Variants in ERVH48-1 observed in about 807,000 individuals in gnomAD.
ERVH48-1 encodes the protein endogenous retrovirus group 48 member 1, envelope, also known as suppressyn.
In ERVH48-1, 4 loss-of-function variants were observed where a neutral mutation model predicts 2.4. The ratio of observed to expected loss-of-function variants is 1.68; its 90% CI spans 0.83 to 3.84. The LOEUF is 3.84. ERVH48-1 is among the 30% of genes most tolerant of loss of function. ERVH48-1 has a pLI of 0.01. For synonymous variants in ERVH48-1, 32 were observed against 15.5 expected, an observed-to-expected ratio of 2.06 and a Z score of -2.49; for missense variants, 97 against 43.4, an observed-to-expected ratio of 2.23 and a Z score of -3.47.
chr21:42,925,336 G>A lies in ERVH48-1; in HGVS notation c.-286+10C>T. 2.3e-6 allele frequency: 1 copy of A among 426,016 alleles called. No homozygotes were observed. The highest frequency in any genetic ancestry group is 2.2e-5 in the South Asian group (1 of 45,470). The allele number at this position is 426,016 out of a possible 1,614,324, so 26.4% of individuals were successfully genotyped here. A position where few individuals can be genotyped will look rare whatever the true frequency, so the allele number is the denominator to read the frequency against. On this transcript the variant is annotated intron_variant, in intron 1 of 1. Coordinates refer to ENST00000447535, the MANE Select transcript of ERVH48-1 (RefSeq NM_001308491.2). ...TTTTTCCCTGTTAACCGGGCTCCCA[G>A]GAAACTTACCAGTAGGCGAGATCAG...
rs2058798079 is a variant in ERVH48-1 at position 42,919,145 on chromosome 21, T to C, written c.-139A>G. ...TTGGAGGAAGAAGCTGCCTTGGGGG[T>C]GAGCTTGACCCTGGTGCGATGGATC... On this transcript the variant is annotated 5_prime_UTR_variant, in exon 2 of 2. Coordinates refer to ENST00000447535, the MANE Select transcript of ERVH48-1 (RefSeq NM_001308491.2). 9.2e-7 allele frequency: 1 copy of C among 1,086,420 alleles called. No homozygotes were observed. The highest frequency in any genetic ancestry group is 3.6e-5 in the Admixed American group (1 of 28,154). The allele number at this position is 1,086,420 out of a possible 1,614,324, so 67.3% of individuals were successfully genotyped here.
intron 1 of ERVH48-1, among the ~76,000 whole-genome samples, chr21:42,924,393 G>T (rs1049700554): frequency 2.0e-5 from 3 of 152,098 alleles, no homozygotes; most frequent in Non-Finnish European, 4.4e-5. Context: ...GCAGTTGGCT[G>T]GATCCAACAA....
At chr21:42,922,405 T>C (rs1234514985) in intron 1 of ERVH48-1, among the ~76,000 whole-genome samples, 1 of 151,838 alleles carries the variant, frequency 6.6e-6, no homozygotes, top group Non-Finnish European at 1.5e-5. Flanking sequence ...AAAGCATGGC[T>C]CTGCCTAGGA....
In ERVH48-1 at chr21:42,917,804, A is replaced by G. The variant is rs11555158; in HGVS notation, c.*720T>C. On this transcript the variant is annotated 3_prime_UTR_variant, in exon 2 of 2. Transcript: ENST00000447535. ...CATAGTATTCAATGATCCGTTGCAG[A>G]GGCCACTCGTCCTCTCACAATCTTT... 0.2 allele frequency: 30,342 copies of G among 152,174 alleles called. 4,410 individuals carry two copies. Among genetic ancestry groups the G allele is most frequent in the African/African-American group, 0.42 (17,244 of 41,444 alleles). The allele number at this position is 152,174 out of a possible 1,614,324, so 9.4% of individuals were successfully genotyped here. A position where few individuals can be genotyped will look rare whatever the true frequency, so the allele number is the denominator to read the frequency against.
intron 1 of ERVH48-1, among the ~76,000 whole-genome samples, chr21:42,921,408 C>T (rs1283686476): frequency 2.0e-5 from 3 of 151,970 alleles, no homozygotes; most frequent in Non-Finnish European, 4.4e-5. Context: ...GAATTTCTTG[C>T]TTAGTTTGCG....
In ERVH48-1 at chr21:42,917,961, G is replaced by C. The variant is rs565635296; in HGVS notation, c.*563C>G. 3.3e-5 allele frequency: 5 copies of C among 152,594 alleles called. No individual in the cohort carries two copies. In the South Asian group the frequency reaches 1.0e-3, roughly 32 times the overall value. The allele number at this position is 152,594 out of a possible 1,614,324, so 9.5% of individuals were successfully genotyped here. A position where few individuals can be genotyped will look rare whatever the true frequency, so the allele number is the denominator to read the frequency against. ...TGCCTAGGAAGCAAGTACCTTGCCAGTGATAAGGTAGCTGTGAGTAAGCCT... is the reference window on the plus strand; with the variant it reads ...TGCCTAGGAAGCAAGTACCTTGCCACTGATAAGGTAGCTGTGAGTAAGCCT... On this transcript the variant is annotated 3_prime_UTR_variant, in exon 2 of 2. Transcript: ENST00000447535.
intron 1 of ERVH48-1, among the ~76,000 whole-genome samples, chr21:42,923,595 G>C (rs2058813125): frequency 6.6e-6 from 1 of 152,126 alleles, no homozygotes; most frequent in South Asian, 2.1e-4. Context: ...GTTTTTCATA[G>C]TTTACCGCTT....
In ERVH48-1 at chr21:42,918,895, T is replaced by C; in HGVS notation, c.112A>G (p.Thr38Ala). 1 of 484,230 alleles carries C rather than the reference T, an allele frequency of 2.1e-6. No homozygotes were observed. The highest frequency in any genetic ancestry group is 1.5e-5 in the South Asian group (1 of 65,112). 30.0% of individuals were successfully genotyped at this position (484,230 alleles called of 1,614,324 possible). A position where few individuals can be genotyped will look rare whatever the true frequency, so the allele number is the denominator to read the frequency against. Residue 38 changes from threonine to alanine, a missense_variant, in exon 2 of 2, where the codon ACA becomes GCA. By Grantham distance (58) the Thr-to-Ala change is moderately conservative (BLOSUM62 0). Coordinates refer to ENST00000447535, the MANE Select transcript of ERVH48-1 (RefSeq NM_001308491.2). ...TCACGGCAGCTCGGAGGGGCTGCTG[T>C]GGACAGCAGGACAGCTACTGACAGT... ...LILSVAVLLS[T>A]AAPPSCRECY... is the part of the protein sequence containing the mutation.
Position 42,917,098 on chromosome 21 carries a change from C to T in ERVH48-1, c.*1426G>A, listed in dbSNP as rs1291217077. 3.9e-5 allele frequency: 6 copies of T among 151,956 alleles called. No individual in the cohort carries two copies. The South Asian group carries it at 1.0e-3, about 26-fold the overall frequency. The allele number at this position is 151,956 out of a possible 1,614,324, so 9.4% of individuals were successfully genotyped here. ...ATTCATCCCGCAAGCTTTCAGGCCC[C>T]GAGGAGAATCTTCCATTCCTGTCTA... On this transcript the variant is annotated 3_prime_UTR_variant, in exon 2 of 2. Transcript: ENST00000447535.
Position 42,918,928 on chromosome 21 carries a change from T to G in ERVH48-1, c.79A>C (p.Ile27Leu), listed in dbSNP as rs62220807. 0.033 allele frequency: 18,841 copies of G among 575,072 alleles called. 411 individuals are homozygous for G. The highest frequency in any genetic ancestry group is 0.1 in the East Asian group (1,551 of 14,874). 35.6% of individuals were successfully genotyped at this position (575,072 alleles called of 1,614,324 possible). Residue 27 changes from isoleucine (I) to leucine (L), a missense_variant, in exon 2 of 2, where the codon ATC (isoleucine) becomes CTC (leucine). Transcript: ENST00000447535. ...SLNMGISLTTILILSVAVLLS... is the reference protein window; with the variant it reads ...SLNMGISLTTLLILSVAVLLS... ...AGGACAGCTACTGACAGTATTAGGA[T>G]CGTGGTGAGGGATATTCCCATATTA...
intron 1 of ERVH48-1, among the ~76,000 whole-genome samples, chr21:42,922,164 A>G (rs962405027): frequency 2.0e-5 from 3 of 151,916 alleles, no homozygotes; most frequent in Admixed American, 6.6e-5. Context: ...TGTGATAGGA[A>G]CTGGGTGGGG....
chr21:42,922,462 C>A (rs570589907), intron 1 of ERVH48-1, among the ~76,000 whole-genome samples: 1 of 151,682 alleles, frequency 6.6e-6, no homozygotes, highest in African/African-American at 2.4e-5. Context: ...GAAGGAAGGC[C>A]GGGCGCGGTG....
intron 1 of ERVH48-1, among the ~76,000 whole-genome samples, chr21:42,920,268 A>G (rs1338368815): frequency 1.3e-5 from 2 of 152,132 alleles, no homozygotes; most frequent in African/African-American, 4.8e-5. Context: ...TCTGGGGAGT[A>G]AAGAGGAGAG....
rs1046189620 is a variant in ERVH48-1 at position 42,918,294 on chromosome 21, A to G, written c.*230T>C. 2.9e-6 allele frequency: 1 copy of G among 345,718 alleles called. No homozygotes were observed. Among genetic ancestry groups the G allele is most frequent in the East Asian group, 7.6e-5 (1 of 13,104 alleles). 21.4% of individuals were successfully genotyped at this position (345,718 alleles called of 1,614,324 possible). A position where few individuals can be genotyped will look rare whatever the true frequency, so the allele number is the denominator to read the frequency against. On this transcript the variant is annotated 3_prime_UTR_variant, in exon 2 of 2. Coordinates refer to ENST00000447535, the MANE Select transcript of ERVH48-1 (RefSeq NM_001308491.2). The stretch of plus-strand genomic sequence containing the variant: ...TTGCGGGATATGCACACCGTCCCTC[A>G]TACTGGGTTGGTAAGTGTCCAGGAC...
intron 1 of ERVH48-1, among the ~76,000 whole-genome samples, chr21:42,919,871 G>C (rs1439055044): frequency 6.6e-6 from 1 of 152,176 alleles, no homozygotes; most frequent in Non-Finnish European, 1.5e-5. Flanking sequence ...GCCATTTATG[G>C]GGCAGCATGT....
At chr21:42,922,739 CAAAAAAA>C (rs35066156) in intron 1 of ERVH48-1, among the ~76,000 whole-genome samples, 83 of 48,198 alleles carry the variant, frequency 1.7e-3, no homozygotes, top group African/African-American at 7.4e-3. Context: ...GACTCCGTCT[CAAAAAAA>C]AAAAAAAAAA....
At chr21:42,923,263 C>T (rs1264981457) in intron 1 of ERVH48-1, among the ~76,000 whole-genome samples, 1 of 152,192 alleles carries the variant, frequency 6.6e-6, no homozygotes, top group African/African-American at 2.4e-5. Context: ...AGCTGCGGCC[C>T]CGTGGGCCTG....
Position 42,919,288 on chromosome 21 carries a change from G to C in ERVH48-1, c.-282C>G. ...GTCAGTTTGGCCGATAAACACGTCTGTGCCTGCAAGACAGTTATGATGTTG... is the reference window on the plus strand; with the variant it reads ...GTCAGTTTGGCCGATAAACACGTCTCTGCCTGCAAGACAGTTATGATGTTG... On this transcript the variant is annotated 5_prime_UTR_variant, in exon 2 of 2. Transcript: ENST00000447535. The C allele has an allele frequency of 3.9e-6, 1 of 258,696 alleles. No individual in the cohort carries two copies. Among genetic ancestry groups the C allele is most frequent in the Admixed American group, 4.9e-5 (1 of 20,474 alleles). The allele number at this position is 258,696 out of a possible 1,614,324, so 16.0% of individuals were successfully genotyped here.
At chr21:42,922,805 A>AG (rs2058810373) in intron 1 of ERVH48-1, among the ~76,000 whole-genome samples, 1 of 146,150 alleles carries the variant, frequency 6.8e-6, no homozygotes, top group Admixed American at 6.8e-5. Context: ...AGAAGGGTGG[A>AG]GGGGGGCTCG....
Sources: allele counts gnomAD v4.1 joint callset (sites outside exome capture counted in the v4.1 genomes callset), GRCh38; gene constraint gnomAD v4.1.1; transcripts MANE v1.5; gene names NCBI Gene and HGNC (gene_info 2026-07-23, HGNC 2026-07-21).